The following DOCK9 variants were observed in gnomAD, a reference collection of about 807,000 sequenced individuals.
DOCK9 encodes dedicator of cytokinesis 9.
Under a neutral mutation model 263.3 loss-of-function variants are expected in DOCK9, and 89 were observed. The ratio of observed to expected loss-of-function variants is 0.34; its 90% CI spans 0.28 to 0.40. DOCK9 has a LOEUF of 0.40. Among genes scored for constraint, DOCK9 ranks in the 10% least tolerant of loss-of-function variants. DOCK9 has a pLI of 1.00. For missense variants in DOCK9, 2,140 were observed against 2,603.4 expected (o/e 0.82, Z 3.87); for synonymous variants, 976 against 973.1 (o/e 1.00, Z -0.06).
chr13:99,046,272 T>C (rs548297518), intron 1 of DOCK9, among the ~76,000 whole-genome samples: 23 of 152,268 alleles, frequency 1.5e-4, no homozygotes, highest in African/African-American at 5.3e-4. Flanking sequence ...ACTTGGAAGG[T>C]GGGACGCACA....
chr13:99,026,076 C>CAAAA (rs1219581602), intron 1 of DOCK9, among the ~76,000 whole-genome samples: 3 of 27,232 alleles, frequency 1.1e-4, no homozygotes, highest in African/African-American at 3.6e-4. Context: ...GACTCCGTCT[C>CAAAA]AAAAAAAAAA....
chr13:98,856,863 A>C (rs2093718863), intron 33 of DOCK9: 1 of 152,208 alleles, frequency 6.6e-6, no homozygotes, highest in South Asian at 2.1e-4. Context: ...GATGCCACGA[A>C]ATAAAGTGAC....
chr13:99,075,355 C>CTTTTTTTT (rs142464481), intron 1 of DOCK9, among the ~76,000 whole-genome samples: 1 of 121,978 alleles, frequency 8.2e-6, no homozygotes, highest in Non-Finnish European at 1.7e-5. Context: ...AGCTGTAGTA[C>CTTTTTTTT]TTTTTTTTTT....
intron 2 of DOCK9, among the ~76,000 whole-genome samples, chr13:98,938,677 T>C (rs2055304419): frequency 6.6e-6 from 1 of 150,864 alleles, no homozygotes; most frequent in Non-Finnish European, 1.5e-5. Context: ...AGATTTCTAT[T>C]ATTTTTCTAA....
chr13:98,853,498 T>C lies in DOCK9; in HGVS notation c.3856A>G (p.Asn1286Asp). 6.2e-7 allele frequency: 1 copy of C among 1,613,622 alleles called. No individual in the cohort carries two copies. Reference protein sequence around the residue: ...DKHQQSSTLGNSVVRCDKLDQ... With the variant: ...DKHQQSSTLGDSVVRCDKLDQ... The stretch of plus-strand genomic sequence containing the variant: ...AGTTTATCACAGCGAACCACGGAAT[T>C]TCCCAATGTGCTACTTTGTTGGTGC... The change falls in exon 35 of 53, where the codon AAT (asparagine) becomes GAT (aspartate). Residue 1286 changes from asparagine to aspartate, a missense_variant. By Grantham distance (23) the Asn-to-Asp change is conservative. Around this residue, in one of 2 missense-constraint regions of DOCK9, gnomAD observed 1,521 missense variants for 1,741.7 expected, o/e 0.87. Coordinates refer to ENST00000682017, the MANE Select transcript of DOCK9 (RefSeq NM_001366683.2).
chr13:99,086,661 G>A (rs1309930421), upstream of DOCK9: 1 of 146,690 alleles, frequency 6.8e-6, no homozygotes, highest in Non-Finnish European at 1.5e-5. Flanking sequence ...CTCCCTCGGC[G>A]ACCACTCGCC....
intron 45 of DOCK9, among the ~76,000 whole-genome samples, chr13:98,823,710 G>A (rs2092399667): frequency 6.6e-6 from 1 of 152,240 alleles, no homozygotes; most frequent in Non-Finnish European, 1.5e-5. Flanking sequence ...AATGCCAGCA[G>A]AAAACTGGCA....
intron 45 of DOCK9, among the ~76,000 whole-genome samples, chr13:98,813,099 G>T (rs2091474768): frequency 6.6e-6 from 1 of 152,200 alleles, no homozygotes; most frequent in Non-Finnish European, 1.5e-5. Context: ...TACTAATCTT[G>T]TATCCTGTGA....
intron 1 of DOCK9, among the ~76,000 whole-genome samples, chr13:99,064,999 C>T (rs1393784397): frequency 6.6e-6 from 1 of 152,180 alleles, no homozygotes; most frequent in African/African-American, 2.4e-5. Context: ...AAATTCTACA[C>T]TCTTCTCAAG....
At chr13:98,938,224 G>A (rs560382385) in intron 2 of DOCK9, among the ~76,000 whole-genome samples, 31 of 152,334 alleles carry the variant, frequency 2.0e-4, no homozygotes, top group Admixed American at 1.5e-3. Context: ...GAAGCGAATC[G>A]TTTCATTCAA....
intron 1 of DOCK9, among the ~76,000 whole-genome samples, chr13:99,063,492 T>C (rs1215394025): frequency 1.3e-5 from 2 of 152,194 alleles, no homozygotes; most frequent in African/African-American, 2.4e-5. Flanking sequence ...AGGGCTCCCT[T>C]TGCCTCGGGT....
intron 1 of DOCK9, chr13:99,086,084 C>T: frequency 7.8e-7 from 1 of 1,275,218 alleles, no homozygotes; most frequent in Non-Finnish European, 1.0e-6. Context: ...CTCCCGCCGG[C>T]CCCACCTCTT....
chr13:99,010,358 C>A (rs1331048595), intron 1 of DOCK9, among the ~76,000 whole-genome samples: 1 of 152,226 alleles, frequency 6.6e-6, no homozygotes, highest in Non-Finnish European at 1.5e-5. Flanking sequence ...CTTGCCTAGA[C>A]AAGGAAAAAT....
intron 1 of DOCK9, among the ~76,000 whole-genome samples, chr13:99,078,033 G>T (rs1485104145): frequency 1.3e-5 from 2 of 152,152 alleles, no homozygotes; most frequent in African/African-American, 4.8e-5. Context: ...TTCATAGTTG[G>T]TGATGAAATG....
chr13:98,923,197 T>C (rs2052356534), intron 5 of DOCK9, 105 bp downstream of exon 5: 2 of 1,043,486 alleles, frequency 1.9e-6, no homozygotes, highest in Non-Finnish European at 3.0e-6. Flanking sequence ...CTCCAATGCC[T>C]GTTTTGGCTA....
At chr13:99,086,364 GCCGCCT>G (rs756876374) in exon 1 of DOCK9, 54 of 1,292,406 alleles carry the variant, frequency 4.2e-5, no homozygotes, top group Middle Eastern at 3.0e-4. Context: ...TCCTGCCCCC[GCCGCCT>G]CCGCCTCCGC....
chr13:98,906,458 C>T (rs1418456974), intron 9 of DOCK9, among the ~76,000 whole-genome samples: 3 of 152,132 alleles, frequency 2.0e-5, no homozygotes, highest in African/African-American at 7.2e-5. Context: ...GCCTCTAAGT[C>T]TATATTCTGT....
rs529841139 is a variant in DOCK9, at chr13:98,809,145, A to G, written c.5367+207T>C. The G allele has an allele frequency of 5.6e-5, 86 of 1,539,336 alleles. No homozygotes were observed. The South Asian group carries it at 1.0e-3, about 19-fold the overall frequency. ...TACCGCTGCCTTAAGAAAGTAATAA[A>G]GAAAAGACAGGAAGAAAGAAAAAAA... On this transcript the variant is annotated intron_variant, in intron 47 of 52. Coordinates refer to ENST00000682017, the MANE Select transcript of DOCK9 (RefSeq NM_001366683.2).
Position 98,829,504 on chromosome 13 carries a change from C to T in DOCK9, c.4768G>A (p.Asp1590Asn), listed in dbSNP as rs1196755249. ...ATCCTTTTGGTTAAGTCCTTCACAT[C>T]AGAGGAGAAGCTGGTGTGCTAAAAC... ...RLIKHTSFSSDVKDLTKRIRT... is the reference protein window; with the variant it reads ...RLIKHTSFSSNVKDLTKRIRT... Residue 1590 changes from aspartate (D) to asparagine (N), a missense_variant, in exon 43 of 53, where the codon GAT (aspartate) becomes AAT (asparagine). This residue lies in a region of DOCK9 where 619 missense variants were observed against 861.8 expected (regional missense o/e 0.72). Coordinates refer to ENST00000682017, the MANE Select transcript of DOCK9 (RefSeq NM_001366683.2). The surrounding 1 kb of genome is among the most constrained non-coding windows in gnomAD (Gnocchi z 4.1). 1.2e-6 allele frequency: 2 copies of T among 1,613,384 alleles called. No individual in the cohort carries two copies. The highest frequency in any genetic ancestry group is 1.7e-5 in the Admixed American group (1 of 59,944).
Sources: gnomAD v4.1 joint callset for allele counts (sites outside exome capture counted in the v4.1 genomes callset) on GRCh38, gnomAD v4.1.1 for gene constraint, gnomAD v4.1.1 regional missense constraint, Gnocchi (gnomAD v3.1) non-coding constraint, MANE v1.5 for transcripts, NCBI Gene and HGNC (gene_info 2026-07-23, HGNC 2026-07-21) for gene names.